CA10: variants seen among roughly 807,000 people sequenced by gnomAD.
CA10 encodes the protein carbonic anhydrase 10 (inactive).
CA10 carries 14 observed loss-of-function variants against 44.2 expected under a neutral mutation model. That is an observed-to-expected ratio of 0.32 (90% CI 0.21 to 0.50). CA10 has a LOEUF of 0.50. Ranked by LOEUF, CA10 falls within the 20% of genes least tolerant of loss-of-function variation. The pLI, the probability that CA10 is intolerant of heterozygous loss-of-function variation, is 0.99. For synonymous variants in CA10, 159 were observed against 141.6 expected (o/e 1.12, Z -0.87); for missense variants, 350 against 409.7 (o/e 0.85, Z 1.26).
intron 6 of CA10, among the ~76,000 whole-genome samples, chr17:51,637,782 G>C (rs1567783748): frequency 6.6e-6 from 1 of 152,094 alleles, no homozygotes; most frequent in Non-Finnish European, 1.5e-5. Flanking sequence ...CTGCAAAGTG[G>C]AAATTAGAAC....
At chr17:52,036,677 C>A (rs1986628334) in intron 2 of CA10, among the ~76,000 whole-genome samples, 1 of 152,140 alleles carries the variant, frequency 6.6e-6, no homozygotes, top group African/African-American at 2.4e-5. Flanking sequence ...AGTTATTTAA[C>A]CTGAAAACCT....
At chr17:52,064,399 A>T (rs1987476343) in intron 2 of CA10, among the ~76,000 whole-genome samples, 1 of 152,154 alleles carries the variant, frequency 6.6e-6, no homozygotes, top group African/African-American at 2.4e-5. Flanking sequence ...CAACCAAAAA[A>T]TCAAGGCAGG....
At chr17:51,800,148 A>G (rs895653291) in intron 3 of CA10, among the ~76,000 whole-genome samples, 9 of 152,244 alleles carry the variant, frequency 5.9e-5, no homozygotes, top group African/African-American at 2.2e-4. Context: ...AGACTCATAT[A>G]ATGAAATATT....
chr17:51,763,979 G>A lies in CA10; in HGVS notation c.280-16161C>T, dbSNP rs141333323. On this transcript the variant is annotated intron_variant, in intron 3 of 8. Coordinates refer to ENST00000451037, the MANE Select transcript of CA10 (RefSeq NM_020178.5). ...TATTTTACCATATTTCCTGAAATATGCCATAGGTTGTGAAATATATCCTGA... is the reference window on the plus strand; with the variant it reads ...TATTTTACCATATTTCCTGAAATATACCATAGGTTGTGAAATATATCCTGA... 2.8e-3 allele frequency among the ~76,000 whole-genome samples: 429 copies of A among 150,918 alleles called. 1 individual carries two copies. The highest frequency in any genetic ancestry group is 9.8e-3 in the African/African-American group (404 of 41,064).
intron 1 of CA10, among the ~76,000 whole-genome samples, chr17:52,118,844 G>A (rs1598224338): frequency 1.3e-5 from 2 of 152,140 alleles, no homozygotes; most frequent in East Asian, 3.9e-4. Flanking sequence ...GGCAATTGTT[G>A]TCTTGTTTTG....
chr17:51,756,062 AGAT>A (rs1905066186), intron 3 of CA10, among the ~76,000 whole-genome samples: 4 of 141,166 alleles, frequency 2.8e-5, no homozygotes, highest in African/African-American at 5.6e-5. Flanking sequence ...CTTCTTCAGC[AGAT>A]TTTTTTTTTT....
intron 2 of CA10, among the ~76,000 whole-genome samples, chr17:52,018,514 G>C (rs1298652502): frequency 6.6e-6 from 1 of 152,082 alleles, no homozygotes; most frequent in Non-Finnish European, 1.5e-5. Flanking sequence ...CATGGGGCTT[G>C]TTACTCCTCT....
At chr17:51,944,726 G>C (rs1983210717) in intron 2 of CA10, among the ~76,000 whole-genome samples, 1 of 152,116 alleles carries the variant, frequency 6.6e-6, no homozygotes, top group African/African-American at 2.4e-5. Context: ...TCTCTGGATA[G>C]TGAAATTACA....
At chr17:51,637,299 C>A (rs1320011892) in intron 6 of CA10, among the ~76,000 whole-genome samples, 1 of 152,210 alleles carries the variant, frequency 6.6e-6, no homozygotes, top group African/African-American at 2.4e-5. Flanking sequence ...AGGCTCCCTT[C>A]TTTTCTTACT....
chr17:52,022,822 C>T (rs1032916892), intron 2 of CA10, among the ~76,000 whole-genome samples: 5 of 151,744 alleles, frequency 3.3e-5, no homozygotes, highest in Non-Finnish European at 5.9e-5. Flanking sequence ...TAATATTCAA[C>T]CTGAGAGCCA....
intron 1 of CA10, among the ~76,000 whole-genome samples, chr17:52,108,686 G>A (rs1598218928): frequency 7.2e-6 from 1 of 138,976 alleles, no homozygotes; most frequent in Admixed American, 7.3e-5. Context: ...GGTGACAGGG[G>A]GAGACTCCGT....
intron 1 of CA10, among the ~76,000 whole-genome samples, chr17:52,147,197 TTTTTTTCCTAATTTTTTTCATAATA>T (rs1308974404): frequency 1.3e-5 from 2 of 152,162 alleles, no homozygotes; most frequent in Non-Finnish European, 2.9e-5. Context: ...TGGGGAATAA[TTTTTTTCCTAATTTTTTTCATAATA>T]TTTTATCATA....
At chr17:51,880,296 C>G (rs1369746190) in intron 3 of CA10, among the ~76,000 whole-genome samples, 2 of 151,870 alleles carry the variant, frequency 1.3e-5, no homozygotes, top group East Asian at 3.9e-4. Context: ...GAACTGTCAG[C>G]AAAAAAATAT....
chr17:51,665,390 C>A (rs529199215), intron 4 of CA10, among the ~76,000 whole-genome samples: 1 of 152,240 alleles, frequency 6.6e-6, no homozygotes, highest in African/African-American at 2.4e-5. Flanking sequence ...TGAGTCACTG[C>A]TCCCTTTTAG....
chr17:52,045,426 T>G (rs1055054149), intron 2 of CA10, among the ~76,000 whole-genome samples: 1 of 152,038 alleles, frequency 6.6e-6, no homozygotes, highest in Non-Finnish European at 1.5e-5. Flanking sequence ...AAGATTTTTC[T>G]CATTTTTAAT....
intron 4 of CA10, among the ~76,000 whole-genome samples, chr17:51,681,447 T>C (rs934952462): frequency 4.6e-5 from 7 of 152,200 alleles, no homozygotes; most frequent in African/African-American, 1.4e-4. Flanking sequence ...GGATGGCTTC[T>C]CAATCTTGGC....
At chr17:51,675,184 T>C (rs1313938987) in intron 4 of CA10, among the ~76,000 whole-genome samples, 1 of 152,132 alleles carries the variant, frequency 6.6e-6, no homozygotes, top group African/African-American at 2.4e-5. Flanking sequence ...CAAACTGCCA[T>C]GAGGTTTGGA....
chr17:52,090,828 G>A (rs943805494), intron 1 of CA10, among the ~76,000 whole-genome samples: 5 of 152,034 alleles, frequency 3.3e-5, no homozygotes, highest in African/African-American at 1.2e-4. Context: ...TGTAAAACTG[G>A]GTTACAGATC....
At chr17:52,138,504 C>G (rs1267780044) in intron 1 of CA10, among the ~76,000 whole-genome samples, 4 of 152,174 alleles carry the variant, frequency 2.6e-5, no homozygotes, top group South Asian at 2.1e-4. Flanking sequence ...AGGTAGAAAC[C>G]TGTACTTTAC....
Sources: gnomAD v4.1 joint callset for allele counts (sites outside exome capture counted in the v4.1 genomes callset) on GRCh38, gnomAD v4.1.1 for gene constraint, MANE v1.5 for transcripts, NCBI Gene and HGNC (gene_info 2026-07-23, HGNC 2026-07-21) for gene names.